The following TAF1 variants were observed in gnomAD, a reference collection of about 807,000 sequenced individuals.
TAF1 encodes the protein transcription initiation factor TFIID subunit 1.
A neutral mutation model predicts 138.5 loss-of-function variants in TAF1; 2 were observed. The observed-to-expected ratio is 0.01, with a 90% CI of 0.01 to 0.05. The LOEUF (loss-of-function observed/expected upper bound fraction) is 0.05. Among genes scored for constraint, TAF1 ranks in the 10% least tolerant of loss-of-function variants. The pLI is 1.00. For missense variants in TAF1, 709 were observed against 1,478.0 expected (o/e 0.48, Z 8.53); for synonymous variants, 437 against 503.2 (o/e 0.87, Z 1.76).
intron 13 of TAF1, among the ~76,000 whole-genome samples, chrX:71,519,616 C>T (rs2039892454): frequency 9.3e-6 from 1 of 107,794 alleles, no homozygotes; most frequent in Non-Finnish European, 1.9e-5. Flanking sequence ...GCACTCCAGC[C>T]TGGGAGACAG....
At position 71,423,249 on chromosome X, in the gene TAF1, C is replaced by T. The variant is rs780715221; in HGVS notation, c.4575+10C>T. 1.7e-5 allele frequency: 21 copies of T among 1,208,769 alleles called. No individual in the cohort carries two copies. In the African/African-American group the frequency reaches 3.5e-4, roughly 20 times the overall value. On this transcript the variant is annotated intron_variant, in intron 30 of 37. Coordinates refer to ENST00000423759, the MANE Select transcript of TAF1 (RefSeq NM_004606.5). ...GATGGCAGTTCCAGATGTAAGCTGTCTCTGTGCCAAATACTGTGAGGATCG... is the reference window on the plus strand; with the variant it reads ...GATGGCAGTTCCAGATGTAAGCTGTTTCTGTGCCAAATACTGTGAGGATCG...
At chrX:71,442,078 T>G (rs1439506786) in intron 32 of TAF1, among the ~76,000 whole-genome samples, 1 of 111,912 alleles carries the variant, frequency 8.9e-6, no homozygotes, top group African/African-American at 3.3e-5. Context: ...CGATGGACAT[T>G]TGGGTTGGTT....
chrX:71,469,379 A>AT (rs2038837637), downstream of TAF1, among the ~76,000 whole-genome samples: 1 of 111,233 alleles, frequency 9.0e-6, no homozygotes, highest in Non-Finnish European at 1.9e-5. Flanking sequence ...TTTTTTTGTT[A>AT]AGTGTAGAAA....
At chrX:71,395,972 A>G (rs1472251426) in intron 22 of TAF1, among the ~76,000 whole-genome samples, 1 of 109,989 alleles carries the variant, frequency 9.1e-6, no homozygotes, top group African/African-American at 3.3e-5. Context: ...ATCTTGGCCA[A>G]CATGGTGAAA....
intron 24 of TAF1, among the ~76,000 whole-genome samples, chrX:71,399,737 A>T (rs1478234687): frequency 1.9e-5 from 2 of 106,302 alleles, no homozygotes; most frequent in African/African-American, 6.9e-5. Flanking sequence ...ATGCCCAGCT[A>T]ATTTTTTTTT....
At chrX:71,420,506 C>T in intron 28 of TAF1, 2 of 1,204,333 alleles carry the variant, frequency 1.7e-6, no homozygotes, top group African/African-American at 3.5e-5. Flanking sequence ...CCTCCATCTT[C>T]TCCTCAATGA....
intron 34 of TAF1, among the ~76,000 whole-genome samples, chrX:71,455,973 C>T (rs189674700): frequency 1.8e-5 from 2 of 111,523 alleles, no homozygotes; most frequent in East Asian, 5.6e-4. Context: ...TATAAAAGAA[C>T]CCTCAGATAC....
chrX:71,450,351 C>T (rs1160172179), intron 32 of TAF1, among the ~76,000 whole-genome samples: 1 of 110,932 alleles, frequency 9.0e-6, no homozygotes, highest in African/African-American at 3.3e-5. Flanking sequence ...TACAGGTATG[C>T]ACCACCATGC....
At chrX:71,417,022 A>C in intron 28 of TAF1, among the ~76,000 whole-genome samples, 1 of 107,420 alleles carries the variant, frequency 9.3e-6, no homozygotes, top group Non-Finnish European at 1.9e-5. Context: ...CCTGTCTCAA[A>C]AAAAAAAAAA....
intron 32 of TAF1, 62 bp from the exon 33 acceptor site, chrX:71,454,108 C>G: frequency 9.6e-7 from 1 of 1,037,833 alleles, no homozygotes; most frequent in Admixed American, 2.3e-5. Flanking sequence ...CTGCTGATGA[C>G]AGAATGTAAA....
At chrX:71,371,547 A>G (rs1429120864) in intron 3 of TAF1, among the ~76,000 whole-genome samples, 1 of 112,006 alleles carries the variant, frequency 8.9e-6, no homozygotes, top group Non-Finnish European at 1.9e-5. Flanking sequence ...AAAGGAGTAG[A>G]AAACATGCTG....
At position 71,394,061 on chromosome X, in the gene TAF1, T is replaced by C. The variant is rs376706489; in HGVS notation, c.3228-6T>C. On this transcript the variant is annotated splice_region_variant and splice_polypyrimidine_tract_variant and intron_variant, in intron 21 of 37. Coordinates refer to ENST00000423759, the MANE Select transcript of TAF1 (RefSeq NM_004606.5). ...TCTTTCTGCACATTGCTTTTTCTCT[T>C]TTTAGGGTTCTGTCATCAACTGAAG... 1,286 of 1,197,416 alleles carry C rather than the reference T, an allele frequency of 1.1e-3. No homozygotes were observed. The highest frequency in any genetic ancestry group is 1.4e-3 in the Non-Finnish European group (1,247 of 890,371).
At chrX:71,466,406 C>G (rs923127786), downstream of TAF1, 5 of 110,510 alleles carry the variant, frequency 4.5e-5, no homozygotes, top group African/African-American at 1.3e-4. Context: ...ATCACCACAC[C>G]GGGCTGATTT....
At chrX:71,369,451 A>C (rs1239458023) in intron 3 of TAF1, among the ~76,000 whole-genome samples, 1 of 112,082 alleles carries the variant, frequency 8.9e-6, no homozygotes, top group Admixed American at 9.5e-5. Flanking sequence ...CTAGTAGAAA[A>C]GGAAAACTTG....
At chrX:71,467,423 A>T (rs1412180018), downstream of TAF1, among the ~76,000 whole-genome samples, 2 of 111,002 alleles carry the variant, frequency 1.8e-5, no homozygotes, top group African/African-American at 6.6e-5. Flanking sequence ...TCCTTTTCTA[A>T]AGAGGCCAGT....
intron 13 of TAF1, among the ~76,000 whole-genome samples, chrX:71,488,613 T>G (rs2039217317): frequency 9.0e-6 from 1 of 111,111 alleles, no homozygotes; most frequent in Admixed American, 9.7e-5. Flanking sequence ...GCAGCTATCT[T>G]TTCTCCAGTT....
intron 32 of TAF1, among the ~76,000 whole-genome samples, chrX:71,440,241 C>T (rs1233477559): frequency 9.0e-6 from 1 of 111,656 alleles, no homozygotes; most frequent in Non-Finnish European, 1.9e-5. Flanking sequence ...GCATAATTCC[C>T]TTGAGGTCCA....
intron 13 of TAF1, among the ~76,000 whole-genome samples, chrX:71,516,958 G>C (rs1045416292): frequency 4.5e-5 from 5 of 110,577 alleles, no homozygotes; most frequent in African/African-American, 1.6e-4. Flanking sequence ...CAAACTACTG[G>C]GCTCAAGCAA....
In TAF1 at chrX:71,491,019, T is replaced by TG. The variant is rs1556025425; in HGVS notation, c.1366+30216_1366+30217insG. On this transcript the variant is annotated intron_variant and NMD_transcript_variant, in intron 13 of 14. Coordinates refer to the TAF1 transcript ENST00000373775. ...GGCGTGAGCCACCAAGCTGGGTTTT[T>TG]TTGTTGTTGTTGTTGTTGTTGTTGT... The TG allele has an allele frequency of 8.8e-5, 9 of 101,699 alleles. No homozygotes were observed. The East Asian group carries it at 1.2e-3, about 13-fold the overall frequency. The allele number at this position is 101,699 out of a possible 1,213,427, so 8.4% of individuals were successfully genotyped here. A position where few individuals can be genotyped will look rare whatever the true frequency, so the allele number is the denominator to read the frequency against.
Sources: allele counts gnomAD v4.1 joint callset (sites outside exome capture counted in the v4.1 genomes callset), GRCh38; gene constraint gnomAD v4.1.1; transcripts MANE v1.5; gene names NCBI Gene and HGNC (gene_info 2026-07-23, HGNC 2026-07-21).